The following RCAN2 variants were observed in gnomAD, a reference collection of about 807,000 sequenced individuals.
RCAN2 encodes the protein calcipressin-2.
A neutral mutation model predicts 23.6 loss-of-function variants in RCAN2; 9 were observed. That is an observed-to-expected ratio of 0.38 (90% CI 0.23 to 0.67). The LOEUF is 0.67. Ranked by LOEUF, RCAN2 falls within the 30% of genes least tolerant of loss-of-function variation. The pLI is 0.51. For synonymous variants in RCAN2, 109 were observed against 115.7 expected (o/e 0.94, Z 0.37); for missense variants, 273 against 302.3 (o/e 0.90, Z 0.72).
intron 1 of RCAN2, among the ~76,000 whole-genome samples, chr6:46,463,153 T>C (rs1363820663): frequency 6.6e-6 from 1 of 152,180 alleles, no homozygotes; most frequent in Non-Finnish European, 1.5e-5. Flanking sequence ...CAATTCTGGG[T>C]ACTGTCCACT....
chr6:46,429,511 ATTATCTTGAGAG>A (rs1767126585), intron 2 of RCAN2, among the ~76,000 whole-genome samples: 1 of 152,196 alleles, frequency 6.6e-6, no homozygotes, highest in Non-Finnish European at 1.5e-5. Flanking sequence ...GAAGGAAAAT[ATTATCTTGAGAG>A]TTATCAACGT....
intron 1 of RCAN2, among the ~76,000 whole-genome samples, chr6:46,464,203 T>C (rs1350032165): frequency 7.2e-5 from 11 of 152,190 alleles, no homozygotes; most frequent in African/African-American, 2.7e-4. Flanking sequence ...TATTTTTCAA[T>C]TGAATATAAG....
At chr6:46,260,574 G>A (rs1348242045) in intron 2 of RCAN2, among the ~76,000 whole-genome samples, 3 of 152,204 alleles carry the variant, frequency 2.0e-5, no homozygotes, top group African/African-American at 4.8e-5. Context: ...TAGTTTGCAT[G>A]CCTAGGGCTC....
chr6:46,324,150 G>A (rs1763713827), intron 2 of RCAN2, among the ~76,000 whole-genome samples: 1 of 152,168 alleles, frequency 6.6e-6, no homozygotes, highest in Non-Finnish European at 1.5e-5. Flanking sequence ...CTGCATGCAT[G>A]TTTCCATTCT....
At chr6:46,417,796 A>G (rs749131334) in intron 2 of RCAN2, among the ~76,000 whole-genome samples, 11 of 152,234 alleles carry the variant, frequency 7.2e-5, no homozygotes, top group Middle Eastern at 3.2e-3. Context: ...TGCTACTACA[A>G]TAAAAATAAA....
intron 2 of RCAN2, among the ~76,000 whole-genome samples, chr6:46,380,149 C>A (rs1765580720): frequency 6.6e-6 from 1 of 152,252 alleles, no homozygotes; most frequent in South Asian, 2.1e-4. Context: ...CAGGGTTTTT[C>A]AGATTCTGTA....
intron 4 of RCAN2, among the ~76,000 whole-genome samples, chr6:46,226,222 T>G (rs1174470413): frequency 6.6e-6 from 1 of 152,242 alleles, no homozygotes; most frequent in Non-Finnish European, 1.5e-5. Context: ...GGTAGCGTGA[T>G]GCCTCCAGGT....
Position 46,379,746 on chromosome 6 carries a change from G to A in RCAN2, c.225+77006C>T, listed in dbSNP as rs184776446. Among the ~76,000 whole-genome samples the A allele has an allele frequency of 8.5e-5, 13 of 152,296 alleles. No homozygotes were observed. The East Asian group carries it at 2.1e-3, about 25-fold the overall frequency. On this transcript the variant is annotated intron_variant, in intron 2 of 4. Transcript: ENST00000371374. ...CTTAATGACATCTCCTTCCTAGGTA[G>A]AGAATCCAACCTTTAGAGAAAGTGT... is the stretch of plus-strand genomic sequence containing the variant.
chr6:46,249,405 G>A (rs1037355077), intron 2 of RCAN2, among the ~76,000 whole-genome samples: 12 of 141,494 alleles, frequency 8.5e-5, no homozygotes, highest in Non-Finnish European at 1.4e-4. Context: ...TGCAACCCCC[G>A]CCTCCTGGAT....
chr6:46,251,440 G>T (rs1384757733), intron 2 of RCAN2, among the ~76,000 whole-genome samples: 1 of 152,184 alleles, frequency 6.6e-6, no homozygotes, highest in Non-Finnish European at 1.5e-5. Context: ...TCTATATAGA[G>T]TATAATATTT....
intron 2 of RCAN2, among the ~76,000 whole-genome samples, chr6:46,418,723 A>ATATT (rs1338882836): frequency 7.4e-6 from 1 of 136,050 alleles, no homozygotes; most frequent in East Asian, 2.1e-4. Context: ...ATATATATAT[A>ATATT]TATATATACA....
intron 2 of RCAN2, among the ~76,000 whole-genome samples, chr6:46,410,521 T>G (rs959491193): frequency 1.3e-5 from 2 of 152,170 alleles, no homozygotes; most frequent in Non-Finnish European, 2.9e-5. Flanking sequence ...TTTGACATCG[T>G]CTTTCTCCAC....
chr6:46,420,590 G>A (rs1181322389), intron 2 of RCAN2, among the ~76,000 whole-genome samples: 1 of 150,406 alleles, frequency 6.6e-6, no homozygotes, highest in Non-Finnish European at 1.5e-5. Flanking sequence ...TGTCTCCCAG[G>A]CTGGAGTGCA....
intron 2 of RCAN2, among the ~76,000 whole-genome samples, chr6:46,256,382 T>TAAAATAAAATA (rs146008268): frequency 1.4e-5 from 2 of 147,786 alleles, no homozygotes; most frequent in African/African-American, 5.0e-5. Flanking sequence ...AAAAGAAAAA[T>TAAAATAAAATA]AAATAAAATA....
intron 2 of RCAN2, among the ~76,000 whole-genome samples, chr6:46,384,895 C>T (rs138433175): frequency 1.3e-5 from 2 of 152,182 alleles, no homozygotes; most frequent in East Asian, 1.9e-4. Context: ...TAAGATAGTG[C>T]ATCACCATGT....
intron 2 of RCAN2, among the ~76,000 whole-genome samples, chr6:46,396,746 T>G (rs1031667197): frequency 6.6e-6 from 1 of 152,218 alleles, no homozygotes; most frequent in African/African-American, 2.4e-5. Context: ...TTTTTTTGTT[T>G]GTTTTAATGA....
intron 2 of RCAN2, among the ~76,000 whole-genome samples, chr6:46,452,497 A>G (rs1276492093): frequency 3.3e-5 from 5 of 152,232 alleles, no homozygotes; most frequent in Non-Finnish European, 7.3e-5. Flanking sequence ...TACTTGGCAC[A>G]ATGCCAGTTT....
chr6:46,346,838 C>T (rs974874851), intron 2 of RCAN2, among the ~76,000 whole-genome samples: 1 of 151,436 alleles, frequency 6.6e-6, no homozygotes, highest in Non-Finnish European at 1.5e-5. Flanking sequence ...AAAAATCTAA[C>T]CAGTTTTTAA....
chr6:46,279,741 G>A (rs1767839245), intron 2 of RCAN2, among the ~76,000 whole-genome samples: 1 of 152,216 alleles, frequency 6.6e-6, no homozygotes, highest in Non-Finnish European at 1.5e-5. Context: ...TACTGTAGGA[G>A]AGCCTTGCTC....
Sources: gnomAD v4.1 joint callset for allele counts (sites outside exome capture counted in the v4.1 genomes callset) on GRCh38, gnomAD v4.1.1 for gene constraint, MANE v1.5 for transcripts, NCBI Gene and HGNC (gene_info 2026-07-23, HGNC 2026-07-21) for gene names.